SDHAF4: variants seen among roughly 807,000 people sequenced by gnomAD.
SDHAF4 encodes succinate dehydrogenase assembly factor 4, mitochondrial.
A neutral mutation model predicts 14.3 loss-of-function variants in SDHAF4; 14 were observed. The ratio of observed to expected loss-of-function variants is 0.98; its 90% CI spans 0.65 to 1.53. The LOEUF is 1.53. SDHAF4 is among the 40% of genes most tolerant of loss of function. The probability of loss-of-function intolerance (pLI) is 0.00; values close to 1 mark genes in which losing one functional copy is unlikely to be tolerated. For missense variants in SDHAF4, 141 were observed against 129.3 expected, an observed-to-expected ratio of 1.09 and a Z score of -0.44; for synonymous variants, 63 against 47.3, an observed-to-expected ratio of 1.33 and a Z score of -1.36.
chr6:70,574,186 T>C (rs1432177475), intron 1 of SDHAF4, among the ~76,000 whole-genome samples: 2 of 152,004 alleles, frequency 1.3e-5, no homozygotes, highest in Non-Finnish European at 2.9e-5. Context: ...CTGGGCATGG[T>C]GGCACATGCC....
At chr6:70,583,027 A>G (rs931263732) in intron 2 of SDHAF4, among the ~76,000 whole-genome samples, 1 of 152,256 alleles carries the variant, frequency 6.6e-6, no homozygotes, top group African/African-American at 2.4e-5. Flanking sequence ...ACAGGACATC[A>G]TGTGGTAACT....
intron 1 of SDHAF4, among the ~76,000 whole-genome samples, chr6:70,574,319 C>CA (rs1216847060): frequency 0.02 from 2,382 of 119,440 alleles, 58 homozygotes; most frequent in African/African-American, 0.082. Context: ...GCCTCCATCT[C>CA]AAAAAAAAAG....
At chr6:70,592,149 G>A (rs1477739296), downstream of SDHAF4, among the ~76,000 whole-genome samples, 1 of 152,186 alleles carries the variant, frequency 6.6e-6, no homozygotes, top group African/African-American at 2.4e-5. Context: ...AGAAATAAAC[G>A]TCTTTTCTTT....
chr6:70,583,469 C>A (rs28360504), intron 2 of SDHAF4, among the ~76,000 whole-genome samples: 29,878 of 152,018 alleles, frequency 0.2, 3,032 homozygotes, highest in Middle Eastern at 0.26. Flanking sequence ...TTTCAAAATA[C>A]CTGGAGAAAG....
In SDHAF4 at chr6:70,588,651, A is replaced by G; in HGVS notation, c.254A>G (p.Lys85Arg). The change falls in exon 3 of 3, where the codon AAA (lysine) becomes AGA (arginine). Residue 85 changes from lysine to arginine, a missense_variant. Coordinates refer to ENST00000370474, the MANE Select transcript of SDHAF4 (RefSeq NM_145267.3). The part of the protein sequence containing the change: ...PDDVNPVTKE[K>R]GGPRGPEPTR... Reference sequence around the variant, plus strand: ...GATGTTAATCCAGTGACCAAAGAAAAAGGTGGACCCAGGGGCCCAGAACCT... The same window carrying G: ...GATGTTAATCCAGTGACCAAAGAAAGAGGTGGACCCAGGGGCCCAGAACCT... 1 of 1,600,838 alleles carries G rather than the reference A, an allele frequency of 6.2e-7. No individual in the cohort carries two copies. The highest frequency in any genetic ancestry group is 8.5e-7 in the Non-Finnish European group (1 of 1,171,320).
In SDHAF4 at chr6:70,572,883, A is replaced by T. The variant is rs540099215; in HGVS notation, c.64+5879A>T. 2.6e-5 allele frequency among the ~76,000 whole-genome samples: 4 copies of T among 152,252 alleles called. No individual in the cohort carries two copies. The South Asian group carries it at 8.3e-4, about 32-fold the overall frequency. ...TTTGATTTTGATAAAACCTATAAAG[A>T]TTTTGATTTTGATAAACATAAAGAC... On this transcript the variant is annotated intron_variant, in intron 1 of 2. Coordinates refer to ENST00000370474, the MANE Select transcript of SDHAF4 (RefSeq NM_145267.3).
chr6:70,579,867 G>T (rs1457179048), intron 2 of SDHAF4, among the ~76,000 whole-genome samples: 1 of 148,284 alleles, frequency 6.7e-6, no homozygotes, highest in Non-Finnish European at 1.5e-5. Context: ...GATGTTATTT[G>T]TATCAAAGAA....
chr6:70,589,990 C>T (rs756378837), downstream of SDHAF4, among the ~76,000 whole-genome samples: 3 of 152,200 alleles, frequency 2.0e-5, no homozygotes, highest in Non-Finnish European at 4.4e-5. Context: ...GTAATCCCAG[C>T]ACTTTGAGAG....
At chr6:70,582,346 T>G (rs1765141061) in intron 2 of SDHAF4, among the ~76,000 whole-genome samples, 1 of 152,214 alleles carries the variant, frequency 6.6e-6, no homozygotes, top group Admixed American at 6.5e-5. Flanking sequence ...ATTACAGGCA[T>G]GAGCCACCAC....
intron 2 of SDHAF4, among the ~76,000 whole-genome samples, chr6:70,586,265 G>A (rs760091386): frequency 8.5e-5 from 13 of 152,174 alleles, no homozygotes; most frequent in Middle Eastern, 3.4e-3. Flanking sequence ...GCAAATCTGG[G>A]TTTGAACTGG....
intron 1 of SDHAF4, 93 bp downstream of exon 1, chr6:70,567,097 TC>T (rs1802107363): frequency 2.3e-6 from 3 of 1,282,228 alleles, no homozygotes; most frequent in Non-Finnish European, 3.3e-6. Context: ...GCCGCGTGTG[TC>T]CTGGCCGTTC....
chr6:70,573,470 G>A lies in SDHAF4; in HGVS notation c.65-5944G>A, dbSNP rs139506184. Among the ~76,000 whole-genome samples the A allele has an allele frequency of 6.0e-5, 9 of 151,004 alleles. No homozygotes were observed. The East Asian group carries it at 1.8e-3, about 30-fold the overall frequency. ...GTAGAGACGCAGTTTCACCAGATTGGCCTGGCTGGTCTTGAACCCCTGACC... is the reference window on the plus strand; with the variant it reads ...GTAGAGACGCAGTTTCACCAGATTGACCTGGCTGGTCTTGAACCCCTGACC... On this transcript the variant is annotated intron_variant, in intron 1 of 2. Transcript: ENST00000370474.
At chr6:70,576,667 GA>G (rs1280819397) in intron 1 of SDHAF4, among the ~76,000 whole-genome samples, 1 of 152,086 alleles carries the variant, frequency 6.6e-6, no homozygotes, top group Non-Finnish European at 1.5e-5. Context: ...TATGTGTAAT[GA>G]AAAAACATTC....
At chr6:70,572,925 T>A (rs978920761) in intron 1 of SDHAF4, among the ~76,000 whole-genome samples, 2 of 152,236 alleles carry the variant, frequency 1.3e-5, no homozygotes, top group Non-Finnish European at 2.9e-5. Context: ...ATAGTCAGTA[T>A]GTTAAAGCAT....
chr6:70,585,139 CT>C (rs766949100), intron 2 of SDHAF4, among the ~76,000 whole-genome samples: 11 of 152,138 alleles, frequency 7.2e-5, no homozygotes, highest in Non-Finnish European at 1.5e-4. Flanking sequence ...TGTTGGAGCT[CT>C]AACCCCCCAG....
intron 2 of SDHAF4, among the ~76,000 whole-genome samples, chr6:70,583,819 T>A (rs528479759): frequency 6.6e-6 from 1 of 152,212 alleles, no homozygotes; most frequent in Non-Finnish European, 1.5e-5. Context: ...CAGGCTTGGA[T>A]TAATTGAATA....
chr6:70,577,403 C>T (rs752816998), intron 1 of SDHAF4, among the ~76,000 whole-genome samples: 5 of 152,188 alleles, frequency 3.3e-5, no homozygotes, highest in Non-Finnish European at 7.3e-5. Context: ...AAACCCCTAA[C>T]GCTGAGATCA....
intron 1 of SDHAF4, among the ~76,000 whole-genome samples, chr6:70,574,658 G>A (rs1581927295): frequency 6.6e-6 from 1 of 152,194 alleles, no homozygotes; most frequent in East Asian, 1.9e-4. Flanking sequence ...TCTTTCAGCT[G>A]GGTGCGGTGG....
Position 70,585,642 on chromosome 6 carries a change from G to A in SDHAF4, c.218-2973G>A, listed in dbSNP as rs553679056. ...AGATATGTGAGAAAGAAGAACTTCC[G>A]TTAGAGAGGCCTTCAAGGGAATTCG... On this transcript the variant is annotated intron_variant, in intron 2 of 2. Coordinates refer to ENST00000370474, the MANE Select transcript of SDHAF4 (RefSeq NM_145267.3). 1.1e-4 allele frequency among the ~76,000 whole-genome samples: 16 copies of A among 152,314 alleles called. No homozygotes were observed. The South Asian group carries it at 2.5e-3, about 24-fold the overall frequency.
Sources: allele counts gnomAD v4.1 joint callset (sites outside exome capture counted in the v4.1 genomes callset), GRCh38; gene constraint gnomAD v4.1.1; transcripts MANE v1.5; gene names NCBI Gene and HGNC (gene_info 2026-07-23, HGNC 2026-07-21).